The following STK32A variants were observed in gnomAD, a reference collection of about 807,000 sequenced individuals.
The protein encoded by STK32A is serine/threonine-protein kinase 32A.
Under a neutral mutation model 53.2 loss-of-function variants are expected in STK32A, and 41 were observed. The ratio of observed to expected loss-of-function variants is 0.77; its 90% CI spans 0.60 to 1.00. The LOEUF (loss-of-function observed/expected upper bound fraction) is 1.00, where lower values mean the gene tolerates loss of function less well. Among genes scored for constraint, STK32A ranks in the 50% least tolerant of loss-of-function variants. The pLI is 0.00. For missense variants in STK32A, 458 were observed against 485.8 expected (o/e 0.94, Z 0.54); for synonymous variants, 166 against 162.8 (o/e 1.02, Z -0.15).
At chr5:147,294,386 C>A (rs1185343262) in intron 4 of STK32A, among the ~76,000 whole-genome samples, 1 of 152,084 alleles carries the variant, frequency 6.6e-6, no homozygotes. Context: ...CTCAGCCTCC[C>A]GAGTAGCTGA....
intron 5 of STK32A, among the ~76,000 whole-genome samples, chr5:147,330,588 A>G (rs1156341082): frequency 6.6e-6 from 1 of 152,230 alleles, no homozygotes; most frequent in African/African-American, 2.4e-5. Flanking sequence ...AATTTCTGCT[A>G]TGACCTTAAA....
At position 147,384,130 on chromosome 5, in the gene STK32A, C is replaced by A; in HGVS notation, c.*147C>A. 1 of 1,482,018 alleles carries A rather than the reference C, an allele frequency of 6.7e-7. No individual in the cohort carries two copies. Among genetic ancestry groups the A allele is most frequent in the Non-Finnish European group, 8.9e-7 (1 of 1,129,390 alleles). The allele number at this position is 1,482,018 out of a possible 1,614,324, so 91.8% of individuals were successfully genotyped here. ...ATATTTCAAAAAAGGCAGCACAACA[C>A]AGTGAAGGGTCCTGGGCCTGAGCTC... On this transcript the variant is annotated 3_prime_UTR_variant, in exon 13 of 13. Coordinates refer to ENST00000397936, the MANE Select transcript of STK32A (RefSeq NM_001112724.2).
At chr5:147,258,533 C>CT (rs929482931) in intron 2 of STK32A, among the ~76,000 whole-genome samples, 2 of 147,318 alleles carry the variant, frequency 1.4e-5, no homozygotes, top group Non-Finnish European at 2.9e-5. Flanking sequence ...CCTTTTAAAA[C>CT]TTTTTTTTCC....
chr5:147,282,522 C>T (rs1401172572), intron 4 of STK32A, among the ~76,000 whole-genome samples: 1 of 152,162 alleles, frequency 6.6e-6, no homozygotes, highest in Admixed American at 6.5e-5. Context: ...ACTCACCAAC[C>T]TACTATGTGC....
chr5:147,380,353 T>G (rs1178499513), intron 11 of STK32A, among the ~76,000 whole-genome samples: 1 of 152,134 alleles, frequency 6.6e-6, no homozygotes, highest in East Asian at 1.9e-4. Context: ...TCTTCTCCTT[T>G]GTCTTGTTCC....
intron 11 of STK32A, chr5:147,382,766 CA>C (rs539698916): frequency 7.3e-4 from 111 of 152,346 alleles, no homozygotes; most frequent in Admixed American, 2.7e-3. Flanking sequence ...TTGAATGTCC[CA>C]GCCTTTCACG....
intron 4 of STK32A, 93 bp from the exon 5 acceptor site, chr5:147,323,805 C>T (rs570176543): frequency 9.0e-7 from 1 of 1,105,822 alleles, no homozygotes; most frequent in Non-Finnish European, 1.3e-6. Flanking sequence ...AGCTCAAGAA[C>T]ACTCTGCTCT....
intron 7 of STK32A, among the ~76,000 whole-genome samples, chr5:147,352,213 A>G (rs1267742538): frequency 1.3e-5 from 2 of 152,210 alleles, no homozygotes; most frequent in African/African-American, 4.8e-5. Flanking sequence ...CTCTGTCTCT[A>G]AAAACAAATA....
intron 11 of STK32A, among the ~76,000 whole-genome samples, chr5:147,376,778 A>G (rs1402785996): frequency 6.6e-6 from 1 of 152,120 alleles, no homozygotes; most frequent in African/African-American, 2.4e-5. Context: ...GCTTCCTCTC[A>G]TTCTTTATAC....
At chr5:147,282,542 G>T (rs1470539762) in intron 4 of STK32A, among the ~76,000 whole-genome samples, 1 of 152,160 alleles carries the variant, frequency 6.6e-6, no homozygotes. Flanking sequence ...CTGCCTTCAG[G>T]AGACTCACCT....
At chr5:147,357,873 T>C (rs1756323688) in intron 7 of STK32A, among the ~76,000 whole-genome samples, 1 of 152,110 alleles carries the variant, frequency 6.6e-6, no homozygotes, top group African/African-American at 2.4e-5. Context: ...TGAAATATGT[T>C]CATCATAAAC....
At chr5:147,331,290 C>T (rs916253914) in intron 5 of STK32A, among the ~76,000 whole-genome samples, 5 of 152,096 alleles carry the variant, frequency 3.3e-5, no homozygotes, top group Non-Finnish European at 4.4e-5. Context: ...CCAAGAACTG[C>T]GTACTGTGCT....
chr5:147,379,299 A>C (rs562099263), intron 11 of STK32A, among the ~76,000 whole-genome samples: 1 of 151,750 alleles, frequency 6.6e-6, no homozygotes, highest in South Asian at 2.1e-4. Flanking sequence ...TATTTTAAAA[A>C]CTTACTTCAG....
rs567764513 is a variant in STK32A at position 147,249,192 on chromosome 5, T to C, written c.52+9506T>C. Among the ~76,000 whole-genome samples the C allele has an allele frequency of 2.0e-5, 3 of 152,336 alleles. No individual in the cohort carries two copies. In the South Asian group the frequency reaches 6.2e-4, roughly 32 times the overall value. On this transcript the variant is annotated intron_variant, in intron 2 of 12. Transcript: ENST00000397936. ...TTTGTATGTGTGTATGCTTAGTATT[T>C]ATGGATTGTGGAAATAGAATTTTTT...
intron 2 of STK32A, among the ~76,000 whole-genome samples, chr5:147,265,154 A>G (rs922187110): frequency 6.7e-6 from 1 of 148,598 alleles, no homozygotes; most frequent in Non-Finnish European, 1.5e-5. Context: ...ATATATATTT[A>G]TATATATACT....
At chr5:147,302,781 C>T (rs1581063012) in intron 4 of STK32A, among the ~76,000 whole-genome samples, 1 of 152,136 alleles carries the variant, frequency 6.6e-6, no homozygotes, top group African/African-American at 2.4e-5. Context: ...GCTTAACTTC[C>T]CCCTTGTCAA....
chr5:147,358,572 T>C (rs1756360818), intron 7 of STK32A, among the ~76,000 whole-genome samples: 1 of 152,160 alleles, frequency 6.6e-6, no homozygotes, highest in Non-Finnish European at 1.5e-5. Context: ...TTACAGTATA[T>C]TCATATAGCA....
At chr5:147,273,545 C>T (rs1755135129) in intron 2 of STK32A, among the ~76,000 whole-genome samples, 1 of 152,172 alleles carries the variant, frequency 6.6e-6, no homozygotes, top group Non-Finnish European at 1.5e-5. Context: ...ACCAGTTATC[C>T]ACATAGTTGG....
chr5:147,316,859 GAAAAAAAA>G (rs35058586), intron 4 of STK32A, among the ~76,000 whole-genome samples: 11 of 61,336 alleles, frequency 1.8e-4, no homozygotes, highest in African/African-American at 3.9e-4. Context: ...TGTTTCTGGC[GAAAAAAAA>G]AAAAAAAAAA....
Sources: gnomAD v4.1 joint callset for allele counts (sites outside exome capture counted in the v4.1 genomes callset) on GRCh38, gnomAD v4.1.1 for gene constraint, MANE v1.5 for transcripts, NCBI Gene and HGNC (gene_info 2026-07-23, HGNC 2026-07-21) for gene names.